The following CMSS1 variants were observed in gnomAD, a reference collection of about 807,000 sequenced individuals.
CMSS1 encodes the protein cms1 ribosomal small subunit homolog.
Under a neutral mutation model 43.5 loss-of-function variants are expected in CMSS1, and 33 were observed. The ratio of observed to expected loss-of-function variants is 0.76; its 90% CI spans 0.57 to 1.01. The LOEUF (loss-of-function observed/expected upper bound fraction) is 1.01, where lower values mean the gene tolerates loss of function less well. Among genes scored for constraint, CMSS1 ranks in the 50% least tolerant of loss-of-function variants. The probability of loss-of-function intolerance (pLI) is 0.00; values close to 1 mark genes in which losing one functional copy is unlikely to be tolerated. For missense variants in CMSS1, 313 were observed against 326.4 expected, an observed-to-expected ratio of 0.96 and a Z score of 0.32; for synonymous variants, 115 against 117.2, an observed-to-expected ratio of 0.98 and a Z score of 0.12.
At chr3:99,968,284 A>G (rs775089990) in intron 1 of CMSS1, among the ~76,000 whole-genome samples, 5 of 152,186 alleles carry the variant, frequency 3.3e-5, no homozygotes, top group African/African-American at 4.8e-5. Context: ...ATGGCAAACT[A>G]CAGAAAGTTT....
rs529268576 is a variant in CMSS1, at chr3:99,908,880, G to A, written c.64+90837G>A. Among the ~76,000 whole-genome samples the A allele has an allele frequency of 6.6e-5, 10 of 152,186 alleles. No homozygotes were observed. The East Asian group carries it at 1.9e-3, about 29-fold the overall frequency. Reference sequence around the variant, plus strand: ...ACAAAAAAAAATTCCTATTGTGTGTGTGTGTGTGTTCTTTCTTTTAATGGG... The same window carrying A: ...ACAAAAAAAAATTCCTATTGTGTGTATGTGTGTGTTCTTTCTTTTAATGGG... On this transcript the variant is annotated intron_variant, in intron 1 of 9. Coordinates refer to ENST00000421999, the MANE Select transcript of CMSS1 (RefSeq NM_032359.4).
intron 1 of CMSS1, among the ~76,000 whole-genome samples, chr3:99,990,863 G>C (rs1321832023): frequency 6.6e-6 from 1 of 152,168 alleles, no homozygotes; most frequent in Non-Finnish European, 1.5e-5. Context: ...TTCTCCAACA[G>C]ATAAATATTT....
chr3:100,001,221 T>G (rs997290697), intron 1 of CMSS1, among the ~76,000 whole-genome samples: 1 of 152,226 alleles, frequency 6.6e-6, no homozygotes, highest in African/African-American at 2.4e-5. Context: ...AATAGTATAC[T>G]ATGACCAGCA....
At chr3:100,062,758 A>G (rs1324126064) in intron 1 of CMSS1, among the ~76,000 whole-genome samples, 2 of 152,232 alleles carry the variant, frequency 1.3e-5, no homozygotes, top group Non-Finnish European at 2.9e-5. Context: ...GTCGTTGTGA[A>G]AAAGCTTTGT....
intron 1 of CMSS1, among the ~76,000 whole-genome samples, chr3:100,014,940 G>A (rs1256433042): frequency 7.3e-5 from 6 of 81,720 alleles, no homozygotes; most frequent in Non-Finnish European, 1.2e-4. Context: ...TTGTGTTTTG[G>A]GGATCATATC....
In CMSS1 at chr3:99,891,061, G is replaced by GT. The variant is rs369861338; in HGVS notation, c.64+73027dup. On this transcript the variant is annotated intron_variant, in intron 1 of 9. Coordinates refer to ENST00000421999, the MANE Select transcript of CMSS1 (RefSeq NM_032359.4). Reference sequence around the variant, plus strand: ...GATTTTTTTCTTTTGTTTTGTTTTTGTTTTTTTTTCAGACCACCCAGTTAG... The same window carrying GT: ...GATTTTTTTCTTTTGTTTTGTTTTTGTTTTTTTTTTCAGACCACCCAGTTAG... Among the ~76,000 whole-genome samples the GT allele has an allele frequency of 3.2e-3, 460 of 141,986 alleles. 7 individuals carry two copies. The highest frequency in any genetic ancestry group is 9.5e-3 in the African/African-American group (368 of 38,646). 93.1% of individuals were successfully genotyped at this position (141,986 alleles called of 152,430 possible).
At chr3:100,054,529 T>TATGTC (rs1553709711) in intron 1 of CMSS1, among the ~76,000 whole-genome samples, 3 of 151,592 alleles carry the variant, frequency 2.0e-5, no homozygotes, top group Non-Finnish European at 4.4e-5. Flanking sequence ...TATGTTATGT[T>TATGTC]ATGTTATGTT....
chr3:100,006,430 C>T (rs1709987834), intron 1 of CMSS1, among the ~76,000 whole-genome samples: 1 of 152,094 alleles, frequency 6.6e-6, no homozygotes, highest in African/African-American at 2.4e-5. Flanking sequence ...CTATTACCCA[C>T]AAATGGATAA....
At chr3:99,959,338 C>T (rs919540431) in intron 1 of CMSS1, among the ~76,000 whole-genome samples, 2 of 152,076 alleles carry the variant, frequency 1.3e-5, no homozygotes, top group Non-Finnish European at 1.5e-5. Context: ...TTAGCAGAGG[C>T]GGGGTTTCGC....
intron 1 of CMSS1, chr3:99,850,966 G>T (rs1434861687): frequency 1.9e-6 from 3 of 1,614,150 alleles, no homozygotes; most frequent in Middle Eastern, 1.6e-4. Flanking sequence ...CAAAGCAAAA[G>T]ACTTCAGCTT....
At chr3:100,164,902 G>A (rs979186644) in intron 4 of CMSS1, among the ~76,000 whole-genome samples, 1 of 152,124 alleles carries the variant, frequency 6.6e-6, no homozygotes, top group African/African-American at 2.4e-5. Context: ...ATTGTGCACT[G>A]TACATTGTTA....
intron 1 of CMSS1, among the ~76,000 whole-genome samples, chr3:99,866,038 C>G (rs1944496273): frequency 1.3e-5 from 2 of 152,060 alleles, no homozygotes; most frequent in Non-Finnish European, 2.9e-5. Flanking sequence ...ATGATTCCTT[C>G]TCTTAACCTC....
At chr3:99,969,634 G>A (rs555302945) in intron 1 of CMSS1, among the ~76,000 whole-genome samples, 5 of 152,296 alleles carry the variant, frequency 3.3e-5, no homozygotes, top group African/African-American at 1.2e-4. Context: ...TTGGAGAGCA[G>A]AGGTAGTAAG....
intron 8 of CMSS1, among the ~76,000 whole-genome samples, chr3:100,172,906 G>A (rs2067121835): frequency 6.6e-6 from 1 of 152,168 alleles, no homozygotes; most frequent in Non-Finnish European, 1.5e-5. Context: ...TTTATAGTTT[G>A]CCAACTTTCT....
chr3:99,897,091 G>A (rs1034674970), intron 1 of CMSS1, among the ~76,000 whole-genome samples: 1 of 152,110 alleles, frequency 6.6e-6, no homozygotes, highest in Admixed American at 6.5e-5. Context: ...AAGCATGGTG[G>A]CTCACGCCTG....
At chr3:100,162,565 T>G in intron 4 of CMSS1, 133 bp downstream of exon 4, 3 of 923,152 alleles carry the variant, frequency 3.2e-6, no homozygotes, top group South Asian at 1.9e-5. Flanking sequence ...CCCAGCACTT[T>G]GGGAGACTGA....
At chr3:100,063,953 AGCCAAACCCATTG>A (rs1411378702) in intron 1 of CMSS1, among the ~76,000 whole-genome samples, 2 of 152,240 alleles carry the variant, frequency 1.3e-5, no homozygotes, top group Admixed American at 1.3e-4. Context: ...ACATACCGTC[AGCCAAACCCATTG>A]GTGCCAGTAC....
intron 1 of CMSS1, chr3:99,876,218 G>C (rs1181656443): frequency 2.0e-6 from 2 of 985,306 alleles, no homozygotes; most frequent in East Asian, 2.3e-4. Flanking sequence ...TTACGTCACT[G>C]TTCTGCCTTA....
intron 1 of CMSS1, among the ~76,000 whole-genome samples, chr3:99,987,345 A>G (rs1219054847): frequency 6.6e-6 from 1 of 151,876 alleles, no homozygotes; most frequent in Non-Finnish European, 1.5e-5. Flanking sequence ...CTTGGGCAAG[A>G]TGGTGAAACC....
Sources: allele counts gnomAD v4.1 joint callset (sites outside exome capture counted in the v4.1 genomes callset), GRCh38; gene constraint gnomAD v4.1.1; transcripts MANE v1.5; gene names NCBI Gene and HGNC (gene_info 2026-07-23, HGNC 2026-07-21).